The following SHPRH variants were observed in gnomAD, a reference collection of about 807,000 sequenced individuals.
SHPRH encodes the protein SNF2 histone linker PHD RING helicase, also known as E3 ubiquitin-protein ligase SHPRH.
A neutral mutation model predicts 202.5 loss-of-function variants in SHPRH; 106 were observed. That is an observed-to-expected ratio of 0.52 (90% CI 0.45 to 0.62). SHPRH has a LOEUF of 0.62. Ranked by LOEUF, SHPRH falls within the 20% of genes least tolerant of loss-of-function variation. The pLI is 0.00. For missense variants in SHPRH, 1,710 were observed against 2,020.0 expected (o/e 0.85, Z 2.94); for synonymous variants, 729 against 686.0 (o/e 1.06, Z -0.98).
Position 145,919,510 on chromosome 6 carries a change from C to G in SHPRH, c.4009-19G>C, listed in dbSNP as rs779922452. 5 of 1,610,560 alleles carry G rather than the reference C, an allele frequency of 3.1e-6. No homozygotes were observed. The Admixed American group carries it at 8.4e-5, about 27-fold the overall frequency. ...GAAGCAACTGAAGGAATAGAAAAGA[C>G]AAACACAGTGGTAAAGCATGTAATT... On this transcript the variant is annotated intron_variant, in intron 21 of 29. Coordinates refer to ENST00000275233, the MANE Select transcript of SHPRH (RefSeq NM_001042683.3).
chr6:145,868,670 T>C (rs761510355), intron 2 of SHPRH, among the ~76,000 whole-genome samples: 22 of 152,200 alleles, frequency 1.4e-4, no homozygotes, highest in Non-Finnish European at 2.9e-4. Flanking sequence ...CTGTTTTTTA[T>C]ACTTCATCCC....
chr6:145,949,126 T>G lies in SHPRH; in HGVS notation c.983-776A>C, dbSNP rs555630893. ...TTACACGGCTGATGGGAATGCAAATTAGTACAATCTCTATGGAAAACAGTA... is the reference window on the plus strand; with the variant it reads ...TTACACGGCTGATGGGAATGCAAATGAGTACAATCTCTATGGAAAACAGTA... On this transcript the variant is annotated intron_variant, in intron 4 of 29. Coordinates refer to ENST00000275233, the MANE Select transcript of SHPRH (RefSeq NM_001042683.3). Among the ~76,000 whole-genome samples the G allele has an allele frequency of 4.3e-4, 65 of 152,180 alleles. 1 individual carries two copies. The highest frequency in any genetic ancestry group is 2.9e-3 in the Admixed American group (44 of 15,256).
chr6:145,864,943 T>A (rs2492857), intron 2 of SHPRH, among the ~76,000 whole-genome samples: 18,741 of 102,810 alleles, frequency 0.18, 1,285 homozygotes, highest in South Asian at 0.3. Flanking sequence ...ACACACACAC[T>A]CACACACACA....
chr6:145,940,806 T>C lies in SHPRH; in HGVS notation c.2491-5A>G, dbSNP rs747276773. 5 of 1,613,314 alleles carry C rather than the reference T, an allele frequency of 3.1e-6. No individual in the cohort carries two copies. The highest frequency in any genetic ancestry group is 4.2e-6 in the Non-Finnish European group (5 of 1,179,700). On this transcript the variant is annotated splice_polypyrimidine_tract_variant and splice_region_variant and intron_variant, in intron 10 of 29. Transcript: ENST00000275233. ...ACGCTGGGCCATTTCTGCAGCCTGA[T>C]GAGAGGGAAAAATGAAATAAAAATG...
chr6:145,933,308 T>C, intron 13 of SHPRH, 130 bp from the exon 14 acceptor site: 1 of 1,347,698 alleles, frequency 7.4e-7, no homozygotes, highest in Admixed American at 2.4e-5. Context: ...AGCATTTTTT[T>C]TCGCCTCAAT....
At chr6:145,907,455 A>G (rs1323949575) in intron 25 of SHPRH, 1 of 152,160 alleles carries the variant, frequency 6.6e-6, no homozygotes, top group African/African-American at 2.4e-5. Context: ...AAATTTGATC[A>G]TGATACATCC....
At chr6:145,862,346 C>A (rs1403778283), downstream of SHPRH, among the ~76,000 whole-genome samples, 1 of 151,264 alleles carries the variant, frequency 6.6e-6, no homozygotes, top group Non-Finnish European at 1.5e-5. Context: ...CCCAGCTACT[C>A]GGGAGGCTGA....
At chr6:145,961,112 C>G (rs1789047579) in intron 1 of SHPRH, among the ~76,000 whole-genome samples, 1 of 152,186 alleles carries the variant, frequency 6.6e-6, no homozygotes, top group South Asian at 2.1e-4. Flanking sequence ...AGGCCACGGA[C>G]TGGCACCGGT....
chr6:145,929,380 G>A (rs1421039392), intron 14 of SHPRH, among the ~76,000 whole-genome samples: 1 of 151,950 alleles, frequency 6.6e-6, no homozygotes, highest in Non-Finnish European at 1.5e-5. Context: ...CTCAGAATAT[G>A]TATTAATGTA....
At chr6:145,893,584 T>G (rs1727076248) in intron 27 of SHPRH, among the ~76,000 whole-genome samples, 191 bp from the exon 28 acceptor site, 1 of 152,170 alleles carries the variant, frequency 6.6e-6, no homozygotes, top group Non-Finnish European at 1.5e-5. Flanking sequence ...TGAAGAAAAG[T>G]ATCATATAAG....
chr6:145,949,506 T>C (rs975418359), intron 4 of SHPRH, among the ~76,000 whole-genome samples: 1 of 152,054 alleles, frequency 6.6e-6, no homozygotes, highest in Non-Finnish European at 1.5e-5. Context: ...AAATACCACA[T>C]GTTCTTACTT....
At chr6:145,867,372 G>A (rs1779822950) in intron 2 of SHPRH, among the ~76,000 whole-genome samples, 1 of 151,450 alleles carries the variant, frequency 6.6e-6, no homozygotes, top group Non-Finnish European at 1.5e-5. Flanking sequence ...TATCTTATAT[G>A]GAAAAATGAC....
At chr6:145,894,412 TTTTG>T (rs754190657) in intron 26 of SHPRH, among the ~76,000 whole-genome samples, 176 bp from the exon 27 acceptor site, 42 of 126,150 alleles carry the variant, frequency 3.3e-4, no homozygotes, top group African/African-American at 9.0e-4. Flanking sequence ...GAAATAGTAA[TTTTG>T]TTTGTTTTTT....
At chr6:145,948,530 C>T (rs555693526) in intron 4 of SHPRH, among the ~76,000 whole-genome samples, 180 bp from the exon 5 acceptor site, 91 of 152,168 alleles carry the variant, frequency 6.0e-4, no homozygotes, top group African/African-American at 2.1e-3. Context: ...AAAAGTCCCT[C>T]TATTTCCTTT....
At chr6:145,913,602 C>A in intron 23 of SHPRH, 53 bp from the exon 24 acceptor site, 1 of 1,464,104 alleles carries the variant, frequency 6.8e-7, no homozygotes, top group Non-Finnish European at 9.4e-7. Context: ...CATATAAAAC[C>A]TGATATATGT....
rs1783385666 is a variant in SHPRH at position 145,910,352 on chromosome 6, C to A, written c.4515+96G>T. The A allele has an allele frequency of 5.7e-6, 8 of 1,395,942 alleles. No individual in the cohort carries two copies. The East Asian group carries it at 1.6e-4, about 28-fold the overall frequency. 86.5% of individuals were successfully genotyped at this position (1,395,942 alleles called of 1,614,324 possible). A position where few individuals can be genotyped will look rare whatever the true frequency, so the allele number is the denominator to read the frequency against. ...ACAGTGGCGTCTACCTATTCACTGT[C>A]AAGCTTGTTCTGATGTTCATGCTTT... On this transcript the variant is annotated intron_variant, in intron 25 of 29. Transcript: ENST00000275233.
chr6:145,947,451 C>T (rs1233412980), intron 6 of SHPRH, 42 bp downstream of exon 6: 4 of 1,598,202 alleles, frequency 2.5e-6, no homozygotes, highest in Admixed American at 3.5e-5. Context: ...TTTTCGAGAA[C>T]ATATGTCCCC....
intron 11 of SHPRH, among the ~76,000 whole-genome samples, chr6:145,940,410 GT>G (rs1348398798): frequency 3.6e-5 from 2 of 55,508 alleles, no homozygotes; most frequent in Non-Finnish European, 6.4e-5. Flanking sequence ...TAGATTCTTT[GT>G]TTTCTACCTA....
intron 2 of SHPRH, chr6:145,877,775 T>A (rs1303688788): frequency 6.6e-6 from 1 of 152,220 alleles, no homozygotes; most frequent in Non-Finnish European, 1.5e-5. Flanking sequence ...CACAATCCTT[T>A]ATCTTAACCT....
Sources: allele counts gnomAD v4.1 joint callset (sites outside exome capture counted in the v4.1 genomes callset), GRCh38; gene constraint gnomAD v4.1.1; transcripts MANE v1.5; gene names NCBI Gene and HGNC (gene_info 2026-07-23, HGNC 2026-07-21).